The following SNTA1 variants were observed in gnomAD, a reference collection of about 807,000 sequenced individuals.
The protein encoded by SNTA1 is alpha-1-syntrophin.
SNTA1 carries 31 observed loss-of-function variants against 47.1 expected under a neutral mutation model. The ratio of observed to expected loss-of-function variants is 0.66; its 90% CI spans 0.49 to 0.89. SNTA1 has a LOEUF of 0.89. Among genes scored for constraint, SNTA1 ranks in the 40% least tolerant of loss-of-function variants. SNTA1 has a pLI of 0.00. For missense variants in SNTA1, 575 were observed against 693.0 expected (o/e 0.83, Z 1.91); for synonymous variants, 300 against 313.6 (o/e 0.96, Z 0.46).
At chr20:33,436,624 C>T (rs1990444988) in intron 2 of SNTA1, among the ~76,000 whole-genome samples, 1 of 151,840 alleles carries the variant, frequency 6.6e-6, no homozygotes, top group African/African-American at 2.4e-5. Context: ...TCCCTTAAGC[C>T]CAGGAGTTGG....
intron 3 of SNTA1, among the ~76,000 whole-genome samples, chr20:33,414,518 T>G (rs1247948596): frequency 6.6e-6 from 1 of 151,276 alleles, no homozygotes; most frequent in East Asian, 2.0e-4. Context: ...CACTTGAACC[T>G]GGGAAGCAGA....
At chr20:33,428,578 A>AT (rs11405336) in intron 2 of SNTA1, among the ~76,000 whole-genome samples, 4,781 of 147,222 alleles carry the variant, frequency 0.032, 282 homozygotes, top group Admixed American at 0.15. Context: ...CTCGTTGGTA[A>AT]TTTTTTTTTT....
At chr20:33,430,576 A>G (rs1310423287) in intron 2 of SNTA1, among the ~76,000 whole-genome samples, 1 of 151,554 alleles carries the variant, frequency 6.6e-6, no homozygotes, top group Non-Finnish European at 1.5e-5. Context: ...GCACCCAGCC[A>G]TAGTATCTTT....
At chr20:33,420,330 C>T (rs1353339852) in intron 2 of SNTA1, among the ~76,000 whole-genome samples, 1 of 152,106 alleles carries the variant, frequency 6.6e-6, no homozygotes, top group African/African-American at 2.4e-5. Flanking sequence ...ATTAATCTTC[C>T]CTGGAGCCAT....
chr20:33,436,568 A>G (rs1990443978), intron 2 of SNTA1, among the ~76,000 whole-genome samples: 1 of 152,028 alleles, frequency 6.6e-6, no homozygotes, highest in Non-Finnish European at 1.5e-5. Context: ...TAGACTGGGC[A>G]CTGTGGCCTG....
intron 2 of SNTA1, among the ~76,000 whole-genome samples, chr20:33,434,500 A>C (rs1453797989): frequency 2.0e-5 from 3 of 152,096 alleles, no homozygotes; most frequent in Non-Finnish European, 2.9e-5. Flanking sequence ...CCAAGGAATG[A>C]TCTCGTCCTG....
intron 2 of SNTA1, among the ~76,000 whole-genome samples, chr20:33,420,941 G>A (rs1321241491): frequency 6.0e-5 from 9 of 150,342 alleles, no homozygotes; most frequent in South Asian, 2.1e-4. Context: ...CCAAGATTGC[G>A]CCACTGCACT....
At chr20:33,443,240 G>T in intron 1 of SNTA1, 71 bp downstream of exon 1, 3 of 1,248,416 alleles carry the variant, frequency 2.4e-6, no homozygotes, top group Non-Finnish European at 2.1e-6. Context: ...TCCTGGGCGC[G>T]CTGCCAGCCC....
At chr20:33,416,938 CAAAAAA>C (rs1161474406) in intron 3 of SNTA1, among the ~76,000 whole-genome samples, 11 of 56,044 alleles carry the variant, frequency 2.0e-4, no homozygotes, top group African/African-American at 5.6e-4. Flanking sequence ...GAGACTCTGT[CAAAAAA>C]AAAAAAAAAA....
rs1472194931 is a variant in SNTA1 at position 33,408,465 on chromosome 20, G to A, written c.*42C>T. ...TCGGTGGAGGCCCAGCTCAGGCCAT[G>A]TCATGGACACCCCTCTTCAGGGCTA... On this transcript the variant is annotated 3_prime_UTR_variant, in exon 8 of 8. Coordinates refer to ENST00000217381, the MANE Select transcript of SNTA1 (RefSeq NM_003098.3). 26 of 1,417,456 alleles carry A rather than the reference G, an allele frequency of 1.8e-5. No individual in the cohort carries two copies. The highest frequency in any genetic ancestry group is 2.6e-5 in the Non-Finnish European group (26 of 1,001,458). 87.8% of individuals were successfully genotyped at this position (1,417,456 alleles called of 1,614,324 possible).
At chr20:33,417,377 C>T (rs954782219) in intron 3 of SNTA1, among the ~76,000 whole-genome samples, 4 of 152,030 alleles carry the variant, frequency 2.6e-5, no homozygotes, top group East Asian at 1.9e-4. Flanking sequence ...TGGGAAGAGA[C>T]GAGAGGATCA....
At chr20:33,422,790 A>G (rs867003671) in intron 2 of SNTA1, among the ~76,000 whole-genome samples, 3 of 152,174 alleles carry the variant, frequency 2.0e-5, no homozygotes, top group Admixed American at 6.6e-5. Context: ...ACCCAGAATC[A>G]GTGTTCTGTG....
intron 2 of SNTA1, among the ~76,000 whole-genome samples, chr20:33,435,062 G>A (rs140636260): frequency 1.4e-5 from 2 of 144,188 alleles, no homozygotes; most frequent in African/African-American, 2.6e-5. Flanking sequence ...GCACAATCAC[G>A]GCTCACTGCA....
intron 2 of SNTA1, 146 bp from the exon 3 acceptor site, chr20:33,418,069 C>A: frequency 1.6e-6 from 1 of 624,378 alleles, no homozygotes; most frequent in Non-Finnish European, 2.8e-6. Context: ...TTAACAAATT[C>A]TTCTAAGTTA....
chr20:33,433,504 TG>T (rs1267822403), intron 2 of SNTA1, among the ~76,000 whole-genome samples: 1 of 151,964 alleles, frequency 6.6e-6, no homozygotes, highest in East Asian at 1.9e-4. Flanking sequence ...TGACCTCAGT[TG>T]ATCTGCCTGC....
At chr20:33,442,339 G>A (rs975822432) in intron 1 of SNTA1, among the ~76,000 whole-genome samples, 3 of 152,142 alleles carry the variant, frequency 2.0e-5, no homozygotes, top group African/African-American at 7.2e-5. Context: ...TGGAGACAAA[G>A]GCTGATACCC....
chr20:33,410,110 A>G, intron 6 of SNTA1, 25 bp downstream of exon 6: 2 of 1,612,978 alleles, frequency 1.2e-6, no homozygotes, highest in Non-Finnish European at 1.7e-6. Flanking sequence ...TACCAGAGGG[A>G]CACTCCCAGA....
intron 2 of SNTA1, 64 bp downstream of exon 2, chr20:33,438,777 G>A: frequency 7.4e-7 from 1 of 1,356,222 alleles, no homozygotes; most frequent in Non-Finnish European, 1.1e-6. Context: ...AGGCCTGGGG[G>A]AGGTAGAGAA....
chr20:33,428,857 A>G (rs1990227502), intron 2 of SNTA1, among the ~76,000 whole-genome samples: 1 of 151,914 alleles, frequency 6.6e-6, no homozygotes, highest in Non-Finnish European at 1.5e-5. Context: ...CCTGACCAAG[A>G]TGGTGAAACC....
Sources: allele counts gnomAD v4.1 joint callset (sites outside exome capture counted in the v4.1 genomes callset), GRCh38; gene constraint gnomAD v4.1.1; transcripts MANE v1.5; gene names NCBI Gene and HGNC (gene_info 2026-07-23, HGNC 2026-07-21).